CCSER2: variants seen among roughly 807,000 people sequenced by gnomAD.
CCSER2 encodes serine-rich coiled-coil domain-containing protein 2.
In CCSER2, 46 loss-of-function variants were observed where a neutral mutation model predicts 92.3. The observed-to-expected ratio is 0.50, with a 90% CI of 0.39 to 0.64. The LOEUF (loss-of-function observed/expected upper bound fraction) is 0.64. Ranked by LOEUF, CCSER2 falls within the 30% of genes least tolerant of loss-of-function variation. CCSER2 has a pLI of 0.00. For missense variants in CCSER2, 1,244 were observed against 1,238.9 expected, an observed-to-expected ratio of 1.00 and a Z score of -0.06; for synonymous variants, 433 against 431.4, an observed-to-expected ratio of 1.00 and a Z score of -0.04.
rs935488641 is a variant in CCSER2 at position 84,513,594 on chromosome 10, T to C, written c.2471T>C (p.Phe824Ser). The C allele has an allele frequency of 3.7e-6, 6 of 1,613,360 alleles. No individual in the cohort carries two copies. The Admixed American group carries it at 8.3e-5, about 22-fold the overall frequency. The change falls in exon 10 of 10, where the codon TTT becomes TCT. Residue 824 changes from phenylalanine to serine, a missense_variant. By Grantham distance (155) the Phe-to-Ser change is radical. Coordinates refer to ENST00000372088, the MANE Select transcript of CCSER2 (RefSeq NM_001284240.2). The stretch of plus-strand genomic sequence containing the variant: ...GGCGGTGCACATCCGGAAGAAAGCT[T>C]TACACACGTCTTGCACCAAGAAAGC... ...HQGGAHPEES[F>S]THVLHQESNY...
chr10:84,384,551 GC>G (rs1174703268), intron 3 of CCSER2, among the ~76,000 whole-genome samples: 1 of 152,102 alleles, frequency 6.6e-6, no homozygotes. Flanking sequence ...TGAAGAAAAA[GC>G]ATTTGATAAA....
Position 84,371,582 on chromosome 10 carries a change from A to G in CCSER2, c.530A>G (p.Tyr177Cys), listed in dbSNP as rs1846063800. Residue 177 changes from tyrosine to cysteine, a missense_variant, in exon 2 of 10, where the codon TAT (tyrosine) becomes TGT (cysteine). Coordinates refer to ENST00000372088, the MANE Select transcript of CCSER2 (RefSeq NM_001284240.2). Reference sequence around the variant, plus strand: ...CCAAAATCACAGTTGAATGGATTTTATGGAAACCGATCAGCTGGTAGCATG... The same window carrying G: ...CCAAAATCACAGTTGAATGGATTTTGTGGAAACCGATCAGCTGGTAGCATG... ...NTPKSQLNGF[Y>C]GNRSAGSMQR... The G allele has an allele frequency of 6.2e-7, 1 of 1,613,760 alleles. No homozygotes were observed. The highest frequency in any genetic ancestry group is 1.7e-4 in the Middle Eastern group (1 of 6,060).
At chr10:84,362,517 CTT>C (rs1845555978) in intron 1 of CCSER2, among the ~76,000 whole-genome samples, 1 of 152,156 alleles carries the variant, frequency 6.6e-6, no homozygotes, top group South Asian at 2.1e-4. Context: ...TATTTTTGTT[CTT>C]TTAAGTTTAA....
chr10:84,378,274 T>TG lies in CCSER2; in HGVS notation c.1614+4459_1614+4460insG, dbSNP rs1846447111. ...GTCTGTTGAGATAATGAAGTTTTTT[T>TG]TGTGTTAGTGTGGTAGATTGCATGG... is the stretch of plus-strand genomic sequence containing the variant. On this transcript the variant is annotated intron_variant, in intron 3 of 9. Transcript: ENST00000372088. 2.6e-5 allele frequency among the ~76,000 whole-genome samples: 4 copies of TG among 152,024 alleles called. No individual in the cohort carries two copies. The South Asian group carries it at 6.2e-4, about 24-fold the overall frequency.
At position 84,372,289 on chromosome 10, in the gene CCSER2, G is replaced by T. The variant is rs1407074124; in HGVS notation, c.1237G>T (p.Asp413Tyr). 1.9e-6 allele frequency: 3 copies of T among 1,612,818 alleles called. No individual in the cohort carries two copies. Among genetic ancestry groups the T allele is most frequent in the African/African-American group, 2.7e-5 (2 of 74,828 alleles). The change falls in exon 2 of 10, where the codon GAC (aspartate) becomes TAC (tyrosine). Residue 413 changes from aspartate (D) to tyrosine (Y), a missense_variant. Asp to Tyr is a radical substitution (Grantham distance 160). Coordinates refer to ENST00000372088, the MANE Select transcript of CCSER2 (RefSeq NM_001284240.2). ...TTCTGATAAGAATGATTTAAGTGAA[G>T]ACTTTAGTGATGATTTTATAGATAT... ...SSSDKNDLSEDFSDDFIDIED... is the reference protein window; with the variant it reads ...SSSDKNDLSEYFSDDFIDIED...
chr10:84,476,609 A>G (rs1026880155), intron 8 of CCSER2, among the ~76,000 whole-genome samples: 3 of 151,542 alleles, frequency 2.0e-5, no homozygotes, highest in Non-Finnish European at 4.4e-5. Context: ...ACATCCGGCA[A>G]ATTTTTTGTA....
chr10:84,362,576 A>G (rs1845558786), intron 1 of CCSER2, among the ~76,000 whole-genome samples: 1 of 152,176 alleles, frequency 6.6e-6, no homozygotes, highest in Non-Finnish European at 1.5e-5. Flanking sequence ...ACCTTATTTA[A>G]TGTTCTTAAA....
chr10:84,493,327 A>G (rs895957104), intron 9 of CCSER2, among the ~76,000 whole-genome samples: 2 of 152,046 alleles, frequency 1.3e-5, no homozygotes, highest in African/African-American at 4.8e-5. Flanking sequence ...GATTTTGGTA[A>G]TTTACCTTCT....
intron 6 of CCSER2, among the ~76,000 whole-genome samples, chr10:84,457,244 TTATATATTATATAA>T (rs1845692464): frequency 1.5e-5 from 1 of 64,918 alleles, no homozygotes; most frequent in African/African-American, 5.5e-5. Flanking sequence ...ATATTATATA[TTATATATTATATAA>T]AATATATTAT....
At chr10:84,462,384 T>C (rs548546107) in intron 6 of CCSER2, among the ~76,000 whole-genome samples, 86 of 152,334 alleles carry the variant, frequency 5.6e-4, no homozygotes, top group African/African-American at 1.8e-3. Context: ...GGTTCCTGCA[T>C]TGCAGTTGGG....
chr10:84,427,917 T>C (rs999455023), intron 5 of CCSER2, among the ~76,000 whole-genome samples: 3 of 152,028 alleles, frequency 2.0e-5, no homozygotes, highest in African/African-American at 7.2e-5. Context: ...AGAGATGGGG[T>C]TTTTGTCCTC....
At chr10:84,431,203 C>T (rs1843743434) in intron 5 of CCSER2, among the ~76,000 whole-genome samples, 1 of 152,032 alleles carries the variant, frequency 6.6e-6, no homozygotes, top group Non-Finnish European at 1.5e-5. Context: ...AATGCCATAC[C>T]ATTACAGTAT....
chr10:84,451,066 C>T (rs1433764352), intron 6 of CCSER2, among the ~76,000 whole-genome samples: 6 of 151,762 alleles, frequency 4.0e-5, no homozygotes, highest in Non-Finnish European at 5.9e-5. Flanking sequence ...TTGGAAACAT[C>T]AAAGGATAAG....
At chr10:84,406,229 G>A (rs561024381) in intron 3 of CCSER2, among the ~76,000 whole-genome samples, 1 of 152,280 alleles carries the variant, frequency 6.6e-6, no homozygotes, top group African/African-American at 2.4e-5. Flanking sequence ...TATGGTGATG[G>A]AGAACAGATC....
chr10:84,392,733 A>G (rs1166028609), intron 3 of CCSER2, among the ~76,000 whole-genome samples: 1 of 152,162 alleles, frequency 6.6e-6, no homozygotes, highest in African/African-American at 2.4e-5. Flanking sequence ...GAAATGCCAA[A>G]TGAGTCACTC....
chr10:84,372,421 GA>G lies in CCSER2; in HGVS notation c.1374del (p.Ala459ProfsTer9). 1.3e-6 allele frequency: 2 copies of G among 1,586,284 alleles called. No individual in the cohort carries two copies. The highest frequency in any genetic ancestry group is 1.9e-5 in the Admixed American group (1 of 51,530). On this transcript the variant is annotated frameshift_variant, in exon 2 of 10. Coordinates refer to ENST00000372088, the MANE Select transcript of CCSER2 (RefSeq NM_001284240.2). LOFTEE classifies it high-confidence loss of function. ...QDMFDSPKEN[E>X]KAFSKTDEWI... ...TATGTTTGATTCCCCCAAGGAAAATGAAAAAGCCTTCAGTAAAACTGATGAA... is the reference window on the plus strand; with the variant it reads ...TATGTTTGATTCCCCCAAGGAAAATGAAAAGCCTTCAGTAAAACTGATGAA...
At chr10:84,468,448 T>C (rs1846583446) in intron 7 of CCSER2, among the ~76,000 whole-genome samples, 1 of 152,216 alleles carries the variant, frequency 6.6e-6, no homozygotes, top group African/African-American at 2.4e-5. Context: ...ACCATGAATA[T>C]GTACAATGTT....
In CCSER2 at chr10:84,371,037, A is replaced by G. The variant is rs903277708; in HGVS notation, c.-16A>G. 6.6e-7 allele frequency: 1 copy of G among 1,516,094 alleles called. No homozygotes were observed. Among genetic ancestry groups the G allele is most frequent in the South Asian group, 1.3e-5 (1 of 75,844 alleles). 93.9% of individuals were successfully genotyped at this position (1,516,094 alleles called of 1,614,324 possible). A position where few individuals can be genotyped will look rare whatever the true frequency, so the allele number is the denominator to read the frequency against. On this transcript the variant is annotated 5_prime_UTR_variant, in exon 2 of 10. An upstream start codon of the reference 5' UTR is lost. Transcript: ENST00000372088. ...AGATTCTTTCAACTTTTAAGAACAA[A>G]TGCACCTTATAGCTCATGGAAGAAA...
chr10:84,482,331 T>C (rs1338957519), intron 9 of CCSER2, among the ~76,000 whole-genome samples: 1 of 152,204 alleles, frequency 6.6e-6, no homozygotes, highest in Non-Finnish European at 1.5e-5. Context: ...ATATGGAAGA[T>C]GCCTAATCAT....
Sources: allele counts gnomAD v4.1 joint callset (sites outside exome capture counted in the v4.1 genomes callset), GRCh38; gene constraint gnomAD v4.1.1; transcripts MANE v1.5; gene names NCBI Gene and HGNC (gene_info 2026-07-23, HGNC 2026-07-21).